SHPRH: variants seen among roughly 807,000 people sequenced by gnomAD.
SHPRH encodes the protein E3 ubiquitin-protein ligase SHPRH.
A neutral mutation model predicts 202.5 loss-of-function variants in SHPRH; 106 were observed. The ratio of observed to expected loss-of-function variants is 0.52; its 90% confidence interval spans 0.45 to 0.62. The LOEUF (loss-of-function observed/expected upper bound fraction) is 0.62, where lower values mean the gene tolerates loss of function less well. Among genes scored for constraint, SHPRH ranks in the 20% least tolerant of loss-of-function variants. The probability of loss-of-function intolerance (pLI) is 0.00; values close to 1 mark genes in which losing one functional copy is unlikely to be tolerated. For synonymous variants in SHPRH, 729 were observed against 686.0 expected (o/e 1.06, Z -0.98); for missense variants, 1,710 against 2,020.0 (o/e 0.85, Z 2.94).
At chr6:145,919,321 CTT>C in intron 22 of SHPRH, 25 bp downstream of exon 22, 1 of 1,611,338 alleles carries the variant, frequency 6.2e-7, no homozygotes, top group Non-Finnish European at 8.5e-7. Context: ...TTGCTGTTCC[CTT>C]TTCTGTGATT....
At chr6:145,880,983 A>T (rs1362289152), downstream of SHPRH, among the ~76,000 whole-genome samples, 3 of 152,186 alleles carry the variant, frequency 2.0e-5, no homozygotes, top group Non-Finnish European at 4.4e-5. Context: ...TTAATTACAT[A>T]TCTCACCAGT....
chr6:145,870,681 A>G (rs1431357350), intron 2 of SHPRH, among the ~76,000 whole-genome samples: 1 of 152,214 alleles, frequency 6.6e-6, no homozygotes, highest in Admixed American at 6.5e-5. Context: ...GACTTCAAGA[A>G]CAATGTTGAA....
chr6:145,942,957 A>G (rs1205108599), intron 9 of SHPRH, among the ~76,000 whole-genome samples, 186 bp downstream of exon 9: 3 of 152,214 alleles, frequency 2.0e-5, no homozygotes, highest in African/African-American at 7.2e-5. Flanking sequence ...TGATGTTAGA[A>G]AAGAATAACA....
At chr6:145,865,119 TG>T (rs1469055639) in intron 2 of SHPRH, among the ~76,000 whole-genome samples, 1 of 152,226 alleles carries the variant, frequency 6.6e-6, no homozygotes, top group Admixed American at 6.5e-5. Context: ...CTCAGGTACC[TG>T]GCTTAAGCCT....
chr6:145,915,523 ACT>A, intron 23 of SHPRH, among the ~76,000 whole-genome samples: 1 of 152,016 alleles, frequency 6.6e-6, no homozygotes, highest in East Asian at 1.9e-4. Flanking sequence ...TCCTTATTTC[ACT>A]TTTTTTAAAA....
chr6:145,944,021 T>C (rs1787092474), intron 8 of SHPRH, among the ~76,000 whole-genome samples: 1 of 152,094 alleles, frequency 6.6e-6, no homozygotes, highest in Non-Finnish European at 1.5e-5. Flanking sequence ...GTGTCAGATT[T>C]GGAGAGATGA....
intron 11 of SHPRH, among the ~76,000 whole-genome samples, chr6:145,939,044 T>C (rs1339549707): frequency 6.6e-6 from 1 of 152,044 alleles, no homozygotes; most frequent in Non-Finnish European, 1.5e-5. Flanking sequence ...TGGCCCCAAA[T>C]GTCAATATGG....
At chr6:145,936,113 ACAGT>A (rs1234173880) in intron 11 of SHPRH, among the ~76,000 whole-genome samples, 1 of 152,122 alleles carries the variant, frequency 6.6e-6, no homozygotes, top group African/African-American at 2.4e-5. Context: ...TTTACTGGGC[ACAGT>A]CAATTTTATA....
intron 2 of SHPRH, chr6:145,876,549 A>G (rs1317984581): frequency 6.6e-6 from 1 of 152,152 alleles, no homozygotes; most frequent in Non-Finnish European, 1.5e-5. Flanking sequence ...AAGTATAACC[A>G]TATTTGATTT....
chr6:145,914,172 T>C (rs1365259359), intron 23 of SHPRH, among the ~76,000 whole-genome samples: 3 of 151,848 alleles, frequency 2.0e-5, no homozygotes, highest in African/African-American at 7.3e-5. Flanking sequence ...TTGGCTGGGG[T>C]TGGATGGTCT....
intron 24 of SHPRH, among the ~76,000 whole-genome samples, chr6:145,911,032 T>C (rs1446823667): frequency 6.6e-6 from 1 of 152,180 alleles, no homozygotes; most frequent in African/African-American, 2.4e-5. Flanking sequence ...TTTCACACAT[T>C]AAAGCACTTA....
chr6:145,926,971 C>T (rs1784938675), intron 15 of SHPRH, among the ~76,000 whole-genome samples: 1 of 151,926 alleles, frequency 6.6e-6, no homozygotes. Context: ...CTTACCTTGT[C>T]AGGCTTGTGC....
At chr6:145,893,500 A>G in intron 27 of SHPRH, 107 bp from the exon 28 acceptor site, 1 of 1,045,798 alleles carries the variant, frequency 9.6e-7, no homozygotes, top group Non-Finnish European at 1.3e-6. Flanking sequence ...CTATTGTGAA[A>G]GGTAACAGCT....
chr6:145,934,410 G>A (rs1368838643), intron 13 of SHPRH, among the ~76,000 whole-genome samples: 1 of 121,586 alleles, frequency 8.2e-6, no homozygotes, highest in Non-Finnish European at 1.9e-5. Flanking sequence ...AGATTGCAGT[G>A]AGCTGAGATT....
intron 14 of SHPRH, among the ~76,000 whole-genome samples, chr6:145,929,282 A>C (rs1785194719): frequency 1.3e-5 from 2 of 151,988 alleles, no homozygotes; most frequent in Non-Finnish European, 2.9e-5. Context: ...TGATATTGTC[A>C]AGCTAATTTT....
intron 8 of SHPRH, among the ~76,000 whole-genome samples, chr6:145,944,106 C>T (rs1787102910): frequency 1.3e-5 from 2 of 152,140 alleles, no homozygotes; most frequent in Admixed American, 1.3e-4. Flanking sequence ...TAAATCAATA[C>T]AAGACTAGTA....
intron 13 of SHPRH, among the ~76,000 whole-genome samples, chr6:145,934,011 T>TA (rs1437899371): frequency 6.6e-5 from 10 of 151,840 alleles, no homozygotes; most frequent in East Asian, 5.8e-4. Flanking sequence ...AAAATAATTT[T>TA]AAAAAAAACC....
intron 8 of SHPRH, among the ~76,000 whole-genome samples, chr6:145,944,626 T>C (rs997720783): frequency 6.6e-6 from 1 of 152,074 alleles, no homozygotes; most frequent in Non-Finnish European, 1.5e-5. Flanking sequence ...TACCCAAGGA[T>C]AATATAGACT....
chr6:145,897,266 G>A (rs1050252459), intron 25 of SHPRH, among the ~76,000 whole-genome samples: 3 of 151,748 alleles, frequency 2.0e-5, no homozygotes, highest in Non-Finnish European at 2.9e-5. Context: ...ACAACTATAC[G>A]CCAAGAAATC....
Sources: allele counts gnomAD v4.1 joint callset (sites outside exome capture counted in the v4.1 genomes callset), GRCh38; gene constraint gnomAD v4.1.1; transcripts MANE v1.5; gene names NCBI Gene and HGNC (gene_info 2026-07-23, HGNC 2026-07-21).